The following NEGR1 variants were observed in gnomAD, a reference collection of about 807,000 sequenced individuals.
NEGR1 encodes neuronal growth regulator 1.
A neutral mutation model predicts 40.9 loss-of-function variants in NEGR1; 10 were observed. The ratio of observed to expected loss-of-function variants is 0.24; its 90% confidence interval spans 0.15 to 0.42. The LOEUF is 0.42. Ranked by LOEUF, NEGR1 falls within the 10% of genes least tolerant of loss-of-function variation. NEGR1 has a pLI of 1.00. For missense variants in NEGR1, 352 were observed against 438.9 expected (o/e 0.80, Z 1.77); for synonymous variants, 185 against 166.8 (o/e 1.11, Z -0.84).
chr1:72,100,869 T>A (rs1181651913), intron 1 of NEGR1: 3 of 152,278 alleles, frequency 2.0e-5, no homozygotes, highest in Non-Finnish European at 4.4e-5. Flanking sequence ...AAATTAGGTC[T>A]CTGGTGAGGG....
chr1:71,688,309 C>CATATATATATATATATATATATAT (rs373700339), intron 4 of NEGR1, among the ~76,000 whole-genome samples: 6 of 41,348 alleles, frequency 1.5e-4, no homozygotes, highest in South Asian at 7.8e-4. Flanking sequence ...TTTCCCTTTT[C>CATATATATATATATATATATATAT]ATATATATAT....
intron 4 of NEGR1, among the ~76,000 whole-genome samples, chr1:71,686,157 G>T (rs1653030538): frequency 6.6e-6 from 1 of 151,990 alleles, no homozygotes; most frequent in Admixed American, 6.6e-5. Context: ...TTTTATCATT[G>T]CTTTCAGGCA....
At chr1:71,762,840 A>G (rs1435348673) in intron 3 of NEGR1, among the ~76,000 whole-genome samples, 1 of 152,146 alleles carries the variant, frequency 6.6e-6, no homozygotes, top group Non-Finnish European at 1.5e-5. Context: ...TCAGTATTCT[A>G]TTCTAAGCCA....
chr1:71,758,538 T>A (rs972370051), intron 3 of NEGR1, among the ~76,000 whole-genome samples: 2 of 152,158 alleles, frequency 1.3e-5, no homozygotes, highest in African/African-American at 4.8e-5. Flanking sequence ...ATAATCATTA[T>A]AATTTTCTAC....
At position 72,050,332 on chromosome 1, in the gene NEGR1, A is replaced by G. The variant is rs1647047111; in HGVS notation, c.177-115021T>C. On this transcript the variant is annotated intron_variant, in intron 1 of 6. Coordinates refer to ENST00000357731, the MANE Select transcript of NEGR1 (RefSeq NM_173808.3). ...TAAATAATAAATTTCATTTAAATGTATTTTTAAATCACAAATTGGGAACAG... is the reference window on the plus strand; with the variant it reads ...TAAATAATAAATTTCATTTAAATGTGTTTTTAAATCACAAATTGGGAACAG... Among the ~76,000 whole-genome samples, 3 of 151,648 alleles carry G rather than the reference A, an allele frequency of 2.0e-5. No individual in the cohort carries two copies. In the East Asian group the frequency reaches 5.8e-4, roughly 29 times the overall value.
intron 4 of NEGR1, among the ~76,000 whole-genome samples, chr1:71,621,971 C>G (rs544743134): frequency 6.6e-6 from 1 of 151,864 alleles, no homozygotes; most frequent in Non-Finnish European, 1.5e-5. Flanking sequence ...GAAAGGCTTA[C>G]ATCATGAGTA....
intron 6 of NEGR1, among the ~76,000 whole-genome samples, chr1:71,543,438 T>C (rs1020978678): frequency 6.6e-6 from 1 of 151,750 alleles, no homozygotes; most frequent in African/African-American, 2.4e-5. Flanking sequence ...GTTTCTATTA[T>C]GCAAATTGAA....
chr1:71,770,154 A>T (rs998970710), intron 3 of NEGR1, among the ~76,000 whole-genome samples: 1 of 152,220 alleles, frequency 6.6e-6, no homozygotes, highest in Admixed American at 6.5e-5. Context: ...CAGATAAAGA[A>T]CCAGTCATAG....
At chr1:71,470,381 T>C (rs1035021253) in intron 6 of NEGR1, among the ~76,000 whole-genome samples, 3 of 152,170 alleles carry the variant, frequency 2.0e-5, no homozygotes, top group Admixed American at 1.3e-4. Flanking sequence ...TTTATGTGAA[T>C]GACATGAAAC....
At chr1:71,689,285 G>A (rs2101619965) in intron 4 of NEGR1, among the ~76,000 whole-genome samples, 1 of 152,274 alleles carries the variant, frequency 6.6e-6, no homozygotes, top group African/African-American at 2.4e-5. Flanking sequence ...TGCCTGTTAG[G>A]AGGTGAATTC....
At chr1:72,113,684 C>T (rs913847814) in intron 1 of NEGR1, among the ~76,000 whole-genome samples, 1 of 151,628 alleles carries the variant, frequency 6.6e-6, no homozygotes, top group Non-Finnish European at 1.5e-5. Context: ...TACAGTATTT[C>T]AAATTACTCT....
At chr1:71,505,704 G>GA (rs892127189) in intron 6 of NEGR1, among the ~76,000 whole-genome samples, 5 of 152,282 alleles carry the variant, frequency 3.3e-5, no homozygotes, top group Admixed American at 2.0e-4. Context: ...CTTTAAATGG[G>GA]AAAAATCCTA....
rs1648943312 is a variant in NEGR1 at position 71,575,732 on chromosome 1, G to A, written c.940+17085C>T. 6.6e-5 allele frequency among the ~76,000 whole-genome samples: 10 copies of A among 152,216 alleles called. No individual in the cohort carries two copies. The South Asian group carries it at 2.1e-3, about 32-fold the overall frequency. On this transcript the variant is annotated intron_variant, in intron 6 of 6. Transcript: ENST00000357731. ...CGGGAGGCAGAGGTTGCAGTGAGCC[G>A]AGATCTCGCCACTGCACTCCAGCCT...
chr1:71,991,637 TCTAA>T lies in NEGR1; in HGVS notation c.177-56330_177-56327del, dbSNP rs569722467. On this transcript the variant is annotated intron_variant, in intron 1 of 6. Transcript: ENST00000357731. The stretch of plus-strand genomic sequence containing the variant: ...TCTATCAAAATACACTTCTCTATAC[TCTAA>T]CTGATATCTGCTTACCTACTTAATC... 1.2e-3 allele frequency among the ~76,000 whole-genome samples: 185 copies of T among 152,206 alleles called. 2 individuals are homozygous for T. The highest frequency in any genetic ancestry group is 2.6e-4 in the Non-Finnish European group (18 of 68,024).
chr1:71,535,908 G>T (rs1259718155), intron 6 of NEGR1, among the ~76,000 whole-genome samples: 1 of 151,626 alleles, frequency 6.6e-6, no homozygotes, highest in Non-Finnish European at 1.5e-5. Flanking sequence ...TATCTAATTT[G>T]GATAACAGTT....
At chr1:71,478,771 G>A (rs960710457) in intron 6 of NEGR1, among the ~76,000 whole-genome samples, 35 of 151,728 alleles carry the variant, frequency 2.3e-4, no homozygotes, top group Middle Eastern at 3.2e-3. Flanking sequence ...CTGTAACTGG[G>A]TTATTATTTT....
chr1:72,256,504 A>G (rs1269771963), intron 1 of NEGR1, among the ~76,000 whole-genome samples: 1 of 152,204 alleles, frequency 6.6e-6, no homozygotes, highest in East Asian at 1.9e-4. Flanking sequence ...GAAAATACAC[A>G]TTTGAAATTA....
At chr1:71,458,923 C>T (rs1468157900) in intron 6 of NEGR1, among the ~76,000 whole-genome samples, 1 of 152,132 alleles carries the variant, frequency 6.6e-6, no homozygotes, top group African/African-American at 2.4e-5. Context: ...GTTATCTCCC[C>T]TCTGCCTCTT....
At chr1:71,798,292 T>C (rs1480627660) in intron 2 of NEGR1, 1 of 151,556 alleles carries the variant, frequency 6.6e-6, no homozygotes, top group Non-Finnish European at 1.5e-5. Flanking sequence ...ACAGAAAAAG[T>C]CTTCAGGAGA....
Sources: gnomAD v4.1 joint callset for allele counts (sites outside exome capture counted in the v4.1 genomes callset) on GRCh38, gnomAD v4.1.1 for gene constraint, MANE v1.5 for transcripts, NCBI Gene and HGNC (gene_info 2026-07-23, HGNC 2026-07-21) for gene names.